ZNF709: variants seen among roughly 807,000 people sequenced by gnomAD.
The protein encoded by ZNF709 is zinc finger protein 709.
ZNF709 carries 15 observed loss-of-function variants against 10.6 expected under a neutral mutation model. The ratio of observed to expected loss-of-function variants is 1.41; its 90% CI spans 0.95 to 2.18. The LOEUF (loss-of-function observed/expected upper bound fraction) is 2.18, where lower values mean the gene tolerates loss of function less well. Ranked by LOEUF, ZNF709 falls within the 30% of genes most tolerant of loss-of-function variation. The pLI, the probability that ZNF709 is intolerant of heterozygous loss-of-function variation, is 0.00. For synonymous variants in ZNF709, 194 were observed against 238.8 expected (o/e 0.81, Z 1.73); for missense variants, 589 against 774.0 (o/e 0.76, Z 2.84).
intron 1 of ZNF709, among the ~76,000 whole-genome samples, chr19:12,475,253 G>A (rs1335702017): frequency 7.7e-4 from 28 of 36,432 alleles, no homozygotes; most frequent in Non-Finnish European, 1.9e-3. Context: ...GTGAGATTCC[G>A]TCTTAAAAAA....
At chr19:12,468,518 C>T (rs1156739275) in intron 1 of ZNF709, among the ~76,000 whole-genome samples, 1 of 151,266 alleles carries the variant, frequency 6.6e-6, no homozygotes, top group Non-Finnish European at 1.5e-5. Context: ...GAGTCATCAC[C>T]ACTCCCTAAT....
rs1322118361 is a variant in ZNF709 at position 12,465,125 on chromosome 19, G to A, written c.797C>T (p.Thr266Ile). ...QCGKAFRYYQTFQIHERTHTG... is the reference protein window; with the variant it reads ...QCGKAFRYYQIFQIHERTHTG... The stretch of plus-strand genomic sequence containing the variant: ...GTGAGTCCTTTCATGTATTTGAAAA[G>A]TTTGGTAATATCTGAAAGCTTTTCC... The change falls in exon 4 of 4, where the codon ACT (threonine) becomes ATT (isoleucine). Residue 266 changes from threonine (T) to isoleucine (I), a missense_variant. Coordinates refer to ENST00000397732, the MANE Select transcript of ZNF709 (RefSeq NM_152601.4). 6 of 1,612,020 alleles carry A rather than the reference G, an allele frequency of 3.7e-6. No homozygotes were observed. The highest frequency in any genetic ancestry group is 5.1e-6 in the Non-Finnish European group (6 of 1,179,372).
rs1970528244 is a variant in ZNF709 at position 12,462,733 on chromosome 19, A to G, written c.*1263T>C. 6.6e-6 allele frequency: 1 copy of G among 152,206 alleles called. No homozygotes were observed. Among genetic ancestry groups the G allele is most frequent in the South Asian group, 2.1e-4 (1 of 4,836 alleles). The allele number at this position is 152,206 out of a possible 1,614,324, so 9.4% of individuals were successfully genotyped here. A position where few individuals can be genotyped will look rare whatever the true frequency, so the allele number is the denominator to read the frequency against. On this transcript the variant is annotated 3_prime_UTR_variant, in exon 4 of 4. Transcript: ENST00000397732. ...AGTAGGAAATCCTAAAAATTACCAAATTGTCATTTTTTGATGGCCCATTAC... is the reference window on the plus strand; with the variant it reads ...AGTAGGAAATCCTAAAAATTACCAAGTTGTCATTTTTTGATGGCCCATTAC...
At position 12,465,535 on chromosome 19, in the gene ZNF709, T is replaced by G. The variant is rs760686703; in HGVS notation, c.387A>C (p.Ser129=). Residue 129 remains serine, a synonymous_variant, in exon 4 of 4, where the codon TCA becomes TCC. Transcript: ENST00000397732. ...RHMRSHTEHR[S]YEYHKYGEKS... ...TCTCTCCATATTTGTGATATTCATA[T>G]GATCTATGTTCAGTATGAGATCTCA... 1.9e-6 allele frequency: 3 copies of G among 1,612,496 alleles called. No homozygotes were observed. Among genetic ancestry groups the G allele is most frequent in the Non-Finnish European group, 2.5e-6 (3 of 1,179,648 alleles).
At chr19:12,469,745 G>T (rs1310417932) in intron 1 of ZNF709, among the ~76,000 whole-genome samples, 1 of 151,962 alleles carries the variant, frequency 6.6e-6, no homozygotes, top group Admixed American at 6.6e-5. Context: ...CTCCAGCCTG[G>T]GTGACAGAGC....
Position 12,483,447 on chromosome 19 carries a change from C to G in ZNF709, c.3+1208G>C, listed in dbSNP as rs545950257. ...GAGATTACAGGCGTGAGCCAACGCT[C>G]CTAGCTTGATATTTTATTATTTTCT... On this transcript the variant is annotated intron_variant, in intron 1 of 3. Transcript: ENST00000397732. 2.6e-5 allele frequency among the ~76,000 whole-genome samples: 4 copies of G among 152,060 alleles called. No individual in the cohort carries two copies. The South Asian group carries it at 8.3e-4, about 32-fold the overall frequency.
intron 1 of ZNF709, among the ~76,000 whole-genome samples, chr19:12,479,598 C>T (rs1459236065): frequency 1.3e-5 from 2 of 152,070 alleles, no homozygotes; most frequent in African/African-American, 2.4e-5. Flanking sequence ...AGGCCGGGTG[C>T]GATGGCTCAC....
intron 1 of ZNF709, 86 bp from the exon 2 acceptor site, chr19:12,466,936 A>C: frequency 6.7e-7 from 1 of 1,490,480 alleles, no homozygotes. Context: ...GTTCATATAT[A>C]ATTTTCTCCA....
rs1970528466 is a variant in ZNF709, at chr19:12,462,751, C to T, written c.*1245G>A. On this transcript the variant is annotated 3_prime_UTR_variant, in exon 4 of 4. Transcript: ENST00000397732. ...TTACCAAATTGTCATTTTTTGATGG[C>T]CCATTACAGCACAACTAAAAAATAC... The T allele has an allele frequency of 6.6e-6, 1 of 151,958 alleles. No homozygotes were observed. The highest frequency in any genetic ancestry group is 2.1e-4 in the South Asian group (1 of 4,826). The allele number at this position is 151,958 out of a possible 1,614,324, so 9.4% of individuals were successfully genotyped here.
chr19:12,484,761 G>T lies in ZNF709; in HGVS notation c.-104C>A, dbSNP rs1970764734. 1 of 1,523,560 alleles carries T rather than the reference G, an allele frequency of 6.6e-7. No homozygotes were observed. The highest frequency in any genetic ancestry group is 1.7e-4 in the Middle Eastern group (1 of 5,854). 94.4% of individuals were successfully genotyped at this position (1,523,560 alleles called of 1,614,324 possible). ...TTCCTCCACCTGAGGGCCTTCTGGG[G>T]TGAGGAGACCCCAGAGCGGAGCGCA... is the stretch of plus-strand genomic sequence containing the variant. On this transcript the variant is annotated 5_prime_UTR_variant, in exon 1 of 4. Transcript: ENST00000397732.
intron 1 of ZNF709, among the ~76,000 whole-genome samples, chr19:12,482,294 A>G (rs1280665985): frequency 6.6e-6 from 1 of 152,030 alleles, no homozygotes; most frequent in South Asian, 2.1e-4. Context: ...AAAGCTAAAC[A>G]CATACACAAG....
intron 1 of ZNF709, among the ~76,000 whole-genome samples, chr19:12,468,726 A>G (rs550848451): frequency 6.6e-6 from 1 of 152,224 alleles, no homozygotes; most frequent in African/African-American, 2.4e-5. Flanking sequence ...ATACGATTGA[A>G]GCAAATATTT....
chr19:12,477,709 T>C (rs1303843665), intron 1 of ZNF709, among the ~76,000 whole-genome samples: 5 of 152,226 alleles, frequency 3.3e-5, no homozygotes, highest in Admixed American at 1.3e-4. Context: ...GGCTCTTTTA[T>C]CTTTTTTGCC....
intron 1 of ZNF709, among the ~76,000 whole-genome samples, chr19:12,473,719 T>C (rs1970653982): frequency 6.6e-6 from 1 of 152,184 alleles, no homozygotes. Context: ...TGTCTCTCTA[T>C]GTGTTAAGAA....
intron 1 of ZNF709, among the ~76,000 whole-genome samples, chr19:12,479,440 C>A (rs1462602697): frequency 1.3e-5 from 2 of 152,108 alleles, no homozygotes; most frequent in African/African-American, 4.8e-5. Flanking sequence ...TTCTAACTTC[C>A]ACATGCATGA....
chr19:12,477,523 G>A (rs1267089281), intron 1 of ZNF709, among the ~76,000 whole-genome samples: 1 of 152,170 alleles, frequency 6.6e-6, no homozygotes, highest in East Asian at 1.9e-4. Context: ...ATACTTATTT[G>A]TCTTCTATTT....
Position 12,462,727 on chromosome 19 carries a change from T to G in ZNF709, c.*1269A>C, listed in dbSNP as rs561174627. On this transcript the variant is annotated 3_prime_UTR_variant, in exon 4 of 4. Coordinates refer to ENST00000397732, the MANE Select transcript of ZNF709 (RefSeq NM_152601.4). Reference sequence around the variant, plus strand: ...AAGGCCAGTAGGAAATCCTAAAAATTACCAAATTGTCATTTTTTGATGGCC... The same window carrying G: ...AAGGCCAGTAGGAAATCCTAAAAATGACCAAATTGTCATTTTTTGATGGCC... The G allele has an allele frequency of 5.5e-4, 84 of 152,250 alleles. No homozygotes were observed. The highest frequency in any genetic ancestry group is 2.1e-3 in the South Asian group (10 of 4,820). The allele number at this position is 152,250 out of a possible 1,614,324, so 9.4% of individuals were successfully genotyped here. A position where few individuals can be genotyped will look rare whatever the true frequency, so the allele number is the denominator to read the frequency against.
chr19:12,469,031 G>A lies in ZNF709; in HGVS notation c.4-2181C>T, dbSNP rs559571476. Among the ~76,000 whole-genome samples the A allele has an allele frequency of 3.0e-3, 454 of 152,176 alleles. 3 individuals are homozygous for A. The highest frequency in any genetic ancestry group is 0.027 in the Middle Eastern group (8 of 292). Reference sequence around the variant, plus strand: ...AATTTTTTGTATATTTAGTAGAGACGGGGTTTCACTATGTTAGCCAGGATG... The same window carrying A: ...AATTTTTTGTATATTTAGTAGAGACAGGGTTTCACTATGTTAGCCAGGATG... On this transcript the variant is annotated intron_variant, in intron 1 of 3. Transcript: ENST00000397732.
At chr19:12,482,138 TAC>T (rs74180073) in intron 1 of ZNF709, among the ~76,000 whole-genome samples, 1 of 43,004 alleles carries the variant, frequency 2.3e-5, no homozygotes, top group Non-Finnish European at 4.9e-5. Flanking sequence ...ACCTCTAAAA[TAC>T]ACACACACAC....
Sources: allele counts gnomAD v4.1 joint callset (sites outside exome capture counted in the v4.1 genomes callset), GRCh38; gene constraint gnomAD v4.1.1; transcripts MANE v1.5; gene names NCBI Gene and HGNC (gene_info 2026-07-23, HGNC 2026-07-21).